BCAS4: variants seen among roughly 807,000 people sequenced by gnomAD.
BCAS4 encodes breast carcinoma-amplified sequence 4.
A neutral mutation model predicts 15.7 loss-of-function variants in BCAS4; 9 were observed. The observed-to-expected ratio is 0.57, with a 90% CI of 0.34 to 1.00. The LOEUF is 1.00. Among genes scored for constraint, BCAS4 ranks in the 50% least tolerant of loss-of-function variants. The pLI, the probability that BCAS4 is intolerant of heterozygous loss-of-function variation, is 0.02. For missense variants in BCAS4, 225 were observed against 239.1 expected, an observed-to-expected ratio of 0.94 and a Z score of 0.39; for synonymous variants, 101 against 99.5, an observed-to-expected ratio of 1.02 and a Z score of -0.09.
chr20:50,859,896 T>C (rs1978981349), intron 4 of BCAS4, among the ~76,000 whole-genome samples: 1 of 152,032 alleles, frequency 6.6e-6, no homozygotes, highest in Non-Finnish European at 1.5e-5. Context: ...TCCCAACACT[T>C]TGGGAGGCTG....
chr20:50,842,097 G>A (rs1487160460), intron 4 of BCAS4, among the ~76,000 whole-genome samples, 197 bp downstream of exon 4: 4 of 152,194 alleles, frequency 2.6e-5, no homozygotes, highest in Admixed American at 2.6e-4. Context: ...CGGTTCGTGT[G>A]CTCATGTACC....
chr20:50,803,328 C>CA (rs2087951244), intron 1 of BCAS4, among the ~76,000 whole-genome samples: 1 of 152,358 alleles, frequency 6.6e-6, no homozygotes, highest in East Asian at 1.9e-4. Flanking sequence ...GCGTTCAGCA[C>CA]AGAGTGCTGA....
At position 50,801,148 on chromosome 20, in the gene BCAS4, C is replaced by T. The variant is rs115735460; in HGVS notation, c.90+5975C>T. Among the ~76,000 whole-genome samples, 931 of 152,022 alleles carry T rather than the reference C, an allele frequency of 6.1e-3. 6 individuals carry two copies. Among genetic ancestry groups the T allele is most frequent in the African/African-American group, 0.016 (681 of 41,494 alleles). On this transcript the variant is annotated intron_variant, in intron 1 of 4. Coordinates refer to ENST00000371608, the MANE Select transcript of BCAS4 (RefSeq NM_198799.4). ...GGATTAGAAGTCTGTGATGGGGGGC[C>T]GGGCGCCATGGCTCATGCCTGTAAT...
chr20:50,852,569 A>G (rs1310782063), intron 4 of BCAS4, among the ~76,000 whole-genome samples: 1 of 151,360 alleles, frequency 6.6e-6, no homozygotes, highest in East Asian at 1.9e-4. Flanking sequence ...TTTAGTAGAG[A>G]TGAGGTTTTG....
At chr20:50,850,993 C>T (rs915698630) in intron 4 of BCAS4, among the ~76,000 whole-genome samples, 2 of 152,118 alleles carry the variant, frequency 1.3e-5, no homozygotes, top group Admixed American at 6.5e-5. Flanking sequence ...GTGCCAGGCT[C>T]AGCGTGCTCC....
chr20:50,818,423 C>T (rs186947668), intron 2 of BCAS4, 141 bp downstream of exon 2: 63 of 713,852 alleles, frequency 8.8e-5, no homozygotes, highest in South Asian at 5.0e-4. Context: ...AGGAAAGCCA[C>T]GTGCAAACAC....
chr20:50,798,090 G>A (rs545279791), intron 1 of BCAS4, among the ~76,000 whole-genome samples: 13 of 151,488 alleles, frequency 8.6e-5, no homozygotes, highest in African/African-American at 2.4e-4. Flanking sequence ...GAGGCCAGGA[G>A]TTTGAGACCA....
chr20:50,840,919 T>C, intron 3 of BCAS4: 1 of 590,104 alleles, frequency 1.7e-6, no homozygotes, highest in Non-Finnish European at 3.0e-6. Context: ...AACCTCCGCC[T>C]CCCGGGTTCA....
intron 4 of BCAS4, among the ~76,000 whole-genome samples, chr20:50,871,400 G>A (rs1262354953): frequency 3.9e-5 from 6 of 152,234 alleles, no homozygotes; most frequent in Non-Finnish European, 1.5e-5. Flanking sequence ...GTCTGCAGCC[G>A]GACAGCCCTG....
At chr20:50,860,597 C>T (rs746540777) in intron 4 of BCAS4, among the ~76,000 whole-genome samples, 8 of 152,290 alleles carry the variant, frequency 5.3e-5, no homozygotes, top group East Asian at 1.9e-4. Context: ...GAGTCTGGGC[C>T]GGGCGTGGTG....
intron 4 of BCAS4, among the ~76,000 whole-genome samples, chr20:50,845,658 C>T (rs760003603): frequency 2.0e-5 from 3 of 152,222 alleles, no homozygotes; most frequent in African/African-American, 7.2e-5. Flanking sequence ...CAGGCTGGCC[C>T]GAACAGTGAC....
intron 4 of BCAS4, among the ~76,000 whole-genome samples, chr20:50,865,668 T>C (rs1009655803): frequency 3.3e-5 from 5 of 152,112 alleles, no homozygotes; most frequent in African/African-American, 1.2e-4. Flanking sequence ...CTTCTGTCAC[T>C]AGGGCCTCGG....
intron 1 of BCAS4, 102 bp from the exon 2 acceptor site, chr20:50,818,109 T>G: frequency 9.1e-7 from 1 of 1,096,102 alleles, no homozygotes; most frequent in Non-Finnish European, 1.3e-6. Flanking sequence ...ACCGGGCACA[T>G]AATCCTAAGA....
At chr20:50,804,583 G>T (rs2087967906) in intron 1 of BCAS4, among the ~76,000 whole-genome samples, 1 of 152,220 alleles carries the variant, frequency 6.6e-6, no homozygotes, top group Non-Finnish European at 1.5e-5. Context: ...ATACCTAGGA[G>T]GTGTATTACT....
At chr20:50,853,888 T>G (rs74622691) in intron 4 of BCAS4, among the ~76,000 whole-genome samples, 8 of 151,414 alleles carry the variant, frequency 5.3e-5, no homozygotes, top group African/African-American at 1.5e-4. Context: ...TGTGCACTGG[T>G]GGGTGTTTTG....
downstream of BCAS4, chr20:50,881,310 G>T (rs778563687): frequency 2.0e-5 from 3 of 152,154 alleles, no homozygotes; most frequent in Non-Finnish European, 4.4e-5. Context: ...AGCCATAAAA[G>T]AGGTCAATTT....
At chr20:50,809,920 AT>A (rs1569019523) in intron 1 of BCAS4, among the ~76,000 whole-genome samples, 1 of 152,198 alleles carries the variant, frequency 6.6e-6, no homozygotes, top group African/African-American at 2.4e-5. Context: ...CAGTTGGTGT[AT>A]AGCAGTCTAC....
At chr20:50,795,973 C>G (rs1262490367) in intron 1 of BCAS4, among the ~76,000 whole-genome samples, 3 of 152,112 alleles carry the variant, frequency 2.0e-5, no homozygotes, top group Non-Finnish European at 4.4e-5. Context: ...TTCTGGGAGG[C>G]TGAGGCAGGA....
At chr20:50,878,484 G>A (rs6096148), downstream of BCAS4, 75,466 of 151,166 alleles carry the variant, frequency 0.5, 21,386 homozygotes, top group African/African-American at 0.79. Context: ...TTTTTTTATT[G>A]AGGTGACTTT....
Sources: gnomAD v4.1 joint callset for allele counts (sites outside exome capture counted in the v4.1 genomes callset) on GRCh38, gnomAD v4.1.1 for gene constraint, MANE v1.5 for transcripts, NCBI Gene and HGNC (gene_info 2026-07-23, HGNC 2026-07-21) for gene names.